The following OCA2 variants were observed in gnomAD, a reference collection of about 807,000 sequenced individuals.
OCA2 encodes P protein.
A neutral mutation model predicts 100.2 loss-of-function variants in OCA2; 77 were observed. That is an observed-to-expected ratio of 0.77 (90% CI 0.64 to 0.93). OCA2 has a LOEUF of 0.93. Among genes scored for constraint, OCA2 ranks in the 40% least tolerant of loss-of-function variants. OCA2 has a pLI of 0.00. For missense variants in OCA2, 1,062 were observed against 1,089.1 expected, an observed-to-expected ratio of 0.98 and a Z score of 0.35; for synonymous variants, 432 against 439.2, an observed-to-expected ratio of 0.98 and a Z score of 0.21.
chr15:27,956,529 T>C (rs2040228366), intron 16 of OCA2, among the ~76,000 whole-genome samples: 1 of 152,186 alleles, frequency 6.6e-6, no homozygotes, highest in South Asian at 2.1e-4. Context: ...TGTTTCCTCA[T>C]GTTTGTAACC....
chr15:27,871,707 C>T (rs1305197153), intron 20 of OCA2, among the ~76,000 whole-genome samples, 156 bp downstream of exon 20: 2 of 152,306 alleles, frequency 1.3e-5, no homozygotes, highest in Middle Eastern at 3.4e-3. Context: ...AGTCTCCCTT[C>T]ATCTCTGGGC....
intron 23 of OCA2, among the ~76,000 whole-genome samples, chr15:27,771,889 C>G (rs2151047687): frequency 6.6e-6 from 1 of 152,342 alleles, no homozygotes; most frequent in East Asian, 1.9e-4. Context: ...CATTTTTAGT[C>G]TTCTAATTTT....
intron 19 of OCA2, among the ~76,000 whole-genome samples, chr15:27,891,023 C>CAA (rs578093435): frequency 8.5e-6 from 1 of 117,998 alleles, no homozygotes; most frequent in Non-Finnish European, 1.8e-5. Context: ...GACTCCATCT[C>CAA]AAAAAAAAAA....
chr15:27,943,441 G>A (rs1263091881), intron 18 of OCA2, among the ~76,000 whole-genome samples: 1 of 152,094 alleles, frequency 6.6e-6, no homozygotes, highest in Non-Finnish European at 1.5e-5. Flanking sequence ...TTTGGAGATG[G>A]CCTTGCAAAG....
At chr15:27,816,196 C>T (rs944569006) in intron 23 of OCA2, among the ~76,000 whole-genome samples, 3 of 152,092 alleles carry the variant, frequency 2.0e-5, no homozygotes, top group Non-Finnish European at 4.4e-5. Flanking sequence ...TGCTAATTAT[C>T]CCTGAAAGGG....
At chr15:27,808,043 G>C (rs2033927707) in intron 23 of OCA2, among the ~76,000 whole-genome samples, 1 of 152,224 alleles carries the variant, frequency 6.6e-6, no homozygotes, top group Non-Finnish European at 1.5e-5. Flanking sequence ...CTTTACAGGT[G>C]GTGATGAATA....
intron 18 of OCA2, among the ~76,000 whole-genome samples, chr15:27,946,791 A>C (rs979417727): frequency 1.1e-4 from 17 of 152,140 alleles, no homozygotes; most frequent in African/African-American, 4.1e-4. Flanking sequence ...TGAAACCAGA[A>C]TCCTTTTCTG....
intron 1 of OCA2, among the ~76,000 whole-genome samples, chr15:28,093,411 CAA>C (rs56141333): frequency 1.9e-3 from 269 of 141,832 alleles, no homozygotes; most frequent in East Asian, 5.8e-3. Context: ...AACACCGTCT[CAA>C]AAAAAAAAAA....
intron 23 of OCA2, among the ~76,000 whole-genome samples, chr15:27,818,953 C>T (rs868812836): frequency 2.6e-5 from 4 of 152,170 alleles, no homozygotes; most frequent in African/African-American, 4.8e-5. Flanking sequence ...AGGTAGGCTT[C>T]GGCTCATGCT....
rs183206165 is a variant in OCA2, at chr15:27,892,938, C to T, written c.2080-21016G>A. The stretch of plus-strand genomic sequence containing the variant: ...TAAAGGAATATTATCAACAACTTTA[C>T]GCTCACAAATTTGGCAACTAAAAAG... On this transcript the variant is annotated intron_variant, in intron 19 of 23. Coordinates refer to ENST00000354638, the MANE Select transcript of OCA2 (RefSeq NM_000275.3). Among the ~76,000 whole-genome samples the T allele has an allele frequency of 4.6e-5, 7 of 152,280 alleles. 1 individual carries two copies. Among genetic ancestry groups the T allele is most frequent in the Admixed American group, 2.0e-4 (3 of 15,300 alleles).
chr15:27,734,378 GT>G, the OCA2 span, among the ~76,000 whole-genome samples: 1 of 151,576 alleles, frequency 6.6e-6, no homozygotes, highest in South Asian at 2.1e-4. Flanking sequence ...AGGAAGGACA[GT>G]TTTACATTAC....
intron 17 of OCA2, among the ~76,000 whole-genome samples, chr15:27,952,990 G>C (rs140054403): frequency 6.6e-6 from 1 of 152,100 alleles, no homozygotes; most frequent in Non-Finnish European, 1.5e-5. Context: ...GCAAGCATCA[G>C]ATCCTTTCTT....
chr15:27,983,306 T>C (rs998858672), intron 14 of OCA2, 39 bp downstream of exon 14: 2 of 1,613,404 alleles, frequency 1.2e-6, no homozygotes, highest in Middle Eastern at 3.4e-4. Context: ...AGTGGAGGTG[T>C]GCGTTTACTG....
chr15:27,805,332 G>A (rs1189975738), intron 23 of OCA2, among the ~76,000 whole-genome samples: 2 of 152,252 alleles, frequency 1.3e-5, no homozygotes, highest in African/African-American at 2.4e-5. Flanking sequence ...GGCTGCTCCC[G>A]CAGGCAGGGA....
At chr15:27,757,244 C>T (rs1035167918) in intron 23 of OCA2, among the ~76,000 whole-genome samples, 2 of 152,222 alleles carry the variant, frequency 1.3e-5, no homozygotes, top group African/African-American at 4.8e-5. Flanking sequence ...AGAGTGTGTA[C>T]TCCTAATCAC....
chr15:28,036,917 G>A (rs2043061394), intron 2 of OCA2, among the ~76,000 whole-genome samples: 1 of 152,114 alleles, frequency 6.6e-6, no homozygotes, highest in Non-Finnish European at 1.5e-5. Flanking sequence ...CCATTGCTGA[G>A]GTCAGTTCTG....
intron 23 of OCA2, among the ~76,000 whole-genome samples, chr15:27,837,025 G>T (rs188731369): frequency 0.015 from 2,312 of 152,222 alleles, 56 homozygotes; most frequent in African/African-American, 0.053. Context: ...GTATAAATCA[G>T]CATTATCAAT....
At chr15:28,021,816 A>C (rs763335621) in intron 6 of OCA2, among the ~76,000 whole-genome samples, 6 of 152,184 alleles carry the variant, frequency 3.9e-5, no homozygotes, top group Non-Finnish European at 8.8e-5. Context: ...GGAGGGGAAA[A>C]AGTAGCTCTT....
In OCA2 at chr15:28,018,528, T is replaced by TGGAGTCC. The variant is rs1470522588; in HGVS notation, c.669_675dup (p.Thr226GlyfsTer35). ...CCTGCCAGGTCCACCTGCAGCAGCG[T>TGGAGTCC]GGAGTCCACGTGGCTGCTAAGGTTC... On this transcript the variant is annotated frameshift_variant, in exon 7 of 24. Coordinates refer to ENST00000354638, the MANE Select transcript of OCA2 (RefSeq NM_000275.3). LOFTEE classifies it high-confidence loss of function. The TGGAGTCC allele has an allele frequency of 2.5e-6, 4 of 1,613,542 alleles. No individual in the cohort carries two copies. The African/African-American group carries it at 5.3e-5, about 22-fold the overall frequency.
Sources: allele counts gnomAD v4.1 joint callset (sites outside exome capture counted in the v4.1 genomes callset), GRCh38; gene constraint gnomAD v4.1.1; transcripts MANE v1.5; gene names NCBI Gene and HGNC (gene_info 2026-07-23, HGNC 2026-07-21).